Variants in JAKMIP3 observed in about 807,000 individuals in gnomAD.
JAKMIP3 encodes janus kinase and microtubule-interacting protein 3.
A neutral mutation model predicts 118.5 loss-of-function variants in JAKMIP3; 58 were observed. The observed-to-expected ratio is 0.49, with a 90% confidence interval of 0.40 to 0.61. JAKMIP3 has a LOEUF of 0.61. JAKMIP3 is among the 20% of genes least tolerant of loss of function. The pLI is 0.00. For missense variants in JAKMIP3, 950 were observed against 1,109.0 expected, an observed-to-expected ratio of 0.86 and a Z score of 2.04; for synonymous variants, 486 against 451.2, an observed-to-expected ratio of 1.08 and a Z score of -0.98.
At chr10:132,167,842 G>T (rs554492108) in intron 22 of JAKMIP3, 111 bp from the exon 23 acceptor site, 1 of 630,922 alleles carries the variant, frequency 1.6e-6, no homozygotes. Context: ...CTCGGCCCTC[G>T]CCCCTCGCCC....
chr10:132,097,596 G>A (rs1004510411), intron 1 of JAKMIP3, among the ~76,000 whole-genome samples: 5 of 152,114 alleles, frequency 3.3e-5, no homozygotes, highest in Non-Finnish European at 7.3e-5. Flanking sequence ...CCCTTGTAGG[G>A]ACAGGAGTGT....
At chr10:132,072,026 AC>A (rs1191235698) in intron 1 of JAKMIP3, among the ~76,000 whole-genome samples, 1 of 150,912 alleles carries the variant, frequency 6.6e-6, no homozygotes, top group Non-Finnish European at 1.5e-5. Flanking sequence ...ATCTCGGCTC[AC>A]TGCAACCTCT....
At chr10:132,121,573 C>T (rs1311784889) in intron 3 of JAKMIP3, among the ~76,000 whole-genome samples, 2 of 152,172 alleles carry the variant, frequency 1.3e-5, no homozygotes, top group African/African-American at 4.8e-5. Flanking sequence ...GATCTTTGCT[C>T]ACGGTCAGAC....
chr10:132,132,718 G>A (rs994641735), intron 3 of JAKMIP3, among the ~76,000 whole-genome samples: 1 of 152,240 alleles, frequency 6.6e-6, no homozygotes, highest in African/African-American at 2.4e-5. Context: ...TTGTAGCCAT[G>A]CCCAGAAGCA....
intron 1 of JAKMIP3, among the ~76,000 whole-genome samples, chr10:132,088,032 T>TG (rs2042619138): frequency 6.6e-6 from 1 of 152,114 alleles, no homozygotes; most frequent in Non-Finnish European, 1.5e-5. Context: ...ACGAAGGACA[T>TG]GAACTCATCC....
At chr10:132,038,049 T>G (rs565095012) in intron 1 of JAKMIP3, among the ~76,000 whole-genome samples, 3 of 152,160 alleles carry the variant, frequency 2.0e-5, no homozygotes, top group African/African-American at 7.2e-5. Context: ...TAGTTTGGAG[T>G]TCATTGAGGA....
chr10:132,045,165 C>T (rs1345480979), intron 1 of JAKMIP3, among the ~76,000 whole-genome samples: 1 of 152,186 alleles, frequency 6.6e-6, no homozygotes, highest in African/African-American at 2.4e-5. Context: ...AGTTTCCCCA[C>T]ATCCTCACAA....
chr10:132,182,352 T>C lies in JAKMIP3; in HGVS notation c.*1104-5T>C, dbSNP rs1021054535. On this transcript the variant is annotated splice_region_variant and splice_polypyrimidine_tract_variant and intron_variant, in intron 23 of 23. Coordinates refer to ENST00000684848, the MANE Select transcript of JAKMIP3 (RefSeq NM_001323087.2). ...CTAAACGGCGTTTTCTCCACTCTTTTTCAGAGAGGAAGCAGTGCATTGGTG... is the reference window on the plus strand; with the variant it reads ...CTAAACGGCGTTTTCTCCACTCTTTCTCAGAGAGGAAGCAGTGCATTGGTG... 2.6e-5 allele frequency: 4 copies of C among 152,228 alleles called. No homozygotes were observed. The highest frequency in any genetic ancestry group is 5.9e-5 in the Non-Finnish European group (4 of 68,040). 9.4% of individuals were successfully genotyped at this position (152,228 alleles called of 1,614,324 possible). A position where few individuals can be genotyped will look rare whatever the true frequency, so the allele number is the denominator to read the frequency against.
Position 132,058,951 on chromosome 10 carries a change from A to G in JAKMIP3, c.-138+22213A>G, listed in dbSNP as rs373381595. ...TCATCCTTCGCATCGCGTCGCGCCC[A>G]CGTGAGCCTGGCTGCCTGGCTTCAC... On this transcript the variant is annotated intron_variant, in intron 1 of 23. Transcript: ENST00000657785. 3.9e-5 allele frequency among the ~76,000 whole-genome samples: 6 copies of G among 152,280 alleles called. No homozygotes were observed. The East Asian group carries it at 1.2e-3, about 29-fold the overall frequency.
In JAKMIP3 at chr10:132,133,338, A is replaced by G; in HGVS notation, c.660A>G (p.Arg220=). 1 of 1,596,392 alleles carries G rather than the reference A, an allele frequency of 6.3e-7. No homozygotes were observed. The highest frequency in any genetic ancestry group is 8.5e-7 in the Non-Finnish European group (1 of 1,171,472). The change falls in exon 4 of 24, where the codon AGA becomes AGG. Residue 220 remains arginine (R), a synonymous_variant. Coordinates refer to ENST00000684848, the MANE Select transcript of JAKMIP3 (RefSeq NM_001323087.2). ...RLMEEIKFKD[R]AVFVLERELG... is the part of the protein sequence containing the mutation. ...TGGAGGAGATAAAATTTAAAGACAG[A>G]GCAGTCTTCGTGCTGGAGAGAGAGT...
intron 23 of JAKMIP3, among the ~76,000 whole-genome samples, chr10:132,180,248 TTGAG>T (rs1217157229): frequency 6.6e-6 from 1 of 152,036 alleles, no homozygotes; most frequent in Admixed American, 6.6e-5. Context: ...AGAGACACTC[TTGAG>T]TGAGGACCCT....
chr10:132,104,165 A>G (rs1156777076), intron 1 of JAKMIP3, among the ~76,000 whole-genome samples: 2 of 151,946 alleles, frequency 1.3e-5, no homozygotes, highest in African/African-American at 2.4e-5. Context: ...AGCTACCTGG[A>G]TTGTGCTGCT....
intron 14 of JAKMIP3, among the ~76,000 whole-genome samples, chr10:132,148,989 G>C (rs1010178190): frequency 6.6e-6 from 1 of 152,324 alleles, no homozygotes; most frequent in East Asian, 1.9e-4. Flanking sequence ...CCTCGGCCAC[G>C]TGGGCCTGCC....
At chr10:132,149,554 T>TCCACCGCCCCACCCCCTCTCCG (rs2055419110) in intron 15 of JAKMIP3, 44 bp downstream of exon 15, 1 of 530,272 alleles carries the variant, frequency 1.9e-6, no homozygotes, top group African/African-American at 6.6e-5. Context: ...ACCTCACCCA[T>TCCACCGCCCCACCCCCTCTCCG]CCCCCGCCCC....
intron 3 of JAKMIP3, among the ~76,000 whole-genome samples, chr10:132,122,030 G>A (rs1468703864): frequency 6.6e-6 from 1 of 152,206 alleles, no homozygotes; most frequent in Non-Finnish European, 1.5e-5. Context: ...TTTACTTTGG[G>A]TCTGTTTTGT....
chr10:132,136,382 C>T (rs1482889013), intron 6 of JAKMIP3, among the ~76,000 whole-genome samples: 3 of 152,204 alleles, frequency 2.0e-5, no homozygotes, highest in African/African-American at 7.2e-5. Context: ...CGGAAAATCC[C>T]GGGCGAGGGT....
intron 1 of JAKMIP3, among the ~76,000 whole-genome samples, chr10:132,102,535 C>T (rs1056405118): frequency 3.3e-5 from 5 of 152,326 alleles, no homozygotes; most frequent in African/African-American, 2.4e-5. Context: ...AGGTGGAGGC[C>T]GGCGGCCCTG....
intron 1 of JAKMIP3, among the ~76,000 whole-genome samples, chr10:132,057,508 G>A (rs958976988): frequency 4.8e-4 from 73 of 152,316 alleles, no homozygotes; most frequent in African/African-American, 1.7e-3. Flanking sequence ...CAGGACACAC[G>A]CTGCCCCGCC....
intron 23 of JAKMIP3, among the ~76,000 whole-genome samples, chr10:132,180,678 C>CGCGCGTGTGTGTGCGTGCGT (rs1565020492): frequency 1.0e-4 from 1 of 9,558 alleles, no homozygotes; most frequent in Non-Finnish European, 1.7e-4. Flanking sequence ...TGTGTGTGCG[C>CGCGCGTGTGTGTGCGTGCGT]GCGCGTGTGT....
Sources: gnomAD v4.1 joint callset for allele counts (sites outside exome capture counted in the v4.1 genomes callset) on GRCh38, gnomAD v4.1.1 for gene constraint, MANE v1.5 for transcripts, NCBI Gene and HGNC (gene_info 2026-07-23, HGNC 2026-07-21) for gene names.